Variants in PLEKHA7 observed in about 807,000 individuals in gnomAD.
PLEKHA7 encodes pleckstrin homology domain containing A7.
PLEKHA7 carries 104 observed loss-of-function variants against 170.0 expected under a neutral mutation model. The observed-to-expected ratio is 0.61, with a 90% confidence interval of 0.52 to 0.72. PLEKHA7 has a LOEUF of 0.72. Among genes scored for constraint, PLEKHA7 ranks in the 30% least tolerant of loss-of-function variants. The probability of loss-of-function intolerance (pLI) is 0.00; values close to 1 mark genes in which losing one functional copy is unlikely to be tolerated. For missense variants in PLEKHA7, 1,615 were observed against 1,671.7 expected (o/e 0.97, Z 0.59); for synonymous variants, 648 against 660.8 (o/e 0.98, Z 0.30).
At chr11:16,917,841 T>C (rs904483697) in intron 3 of PLEKHA7, among the ~76,000 whole-genome samples, 1 of 152,236 alleles carries the variant, frequency 6.6e-6, no homozygotes, top group Non-Finnish European at 1.5e-5. Context: ...CTGTTTGCCT[T>C]GTGCAAGAGG....
chr11:16,812,814 C>T (rs943709435), intron 13 of PLEKHA7, among the ~76,000 whole-genome samples: 8 of 152,170 alleles, frequency 5.3e-5, no homozygotes, highest in Admixed American at 2.6e-4. Context: ...TCCGAAGAAG[C>T]GACTGGTTGC....
At position 16,782,910 on chromosome 11, in the gene PLEKHA7, G is replaced by C. The variant is rs745613117; in HGVS notation, c.3651-14C>G. 4.6e-6 allele frequency: 7 copies of C among 1,535,024 alleles called. No homozygotes were observed. In the South Asian group the frequency reaches 8.3e-5, roughly 18 times the overall value. On this transcript the variant is annotated splice_polypyrimidine_tract_variant and intron_variant, in intron 25 of 26. Coordinates refer to ENST00000531066, the MANE Select transcript of PLEKHA7 (RefSeq NM_001329630.2). ...AGGTTGCACATGCTGTAGGAGGGTC[G>C]GAAGCAGACCATGGGCCCTCCTGCC...
At chr11:16,823,541 G>A (rs1850407436) in intron 10 of PLEKHA7, among the ~76,000 whole-genome samples, 3 of 152,108 alleles carry the variant, frequency 2.0e-5, no homozygotes, top group Admixed American at 2.0e-4. Flanking sequence ...ATAGCCTCCT[G>A]ATCATCTCTA....
chr11:16,786,471 T>C (rs557282024), intron 23 of PLEKHA7, 84 bp from the exon 24 acceptor site: 7 of 1,519,760 alleles, frequency 4.6e-6, no homozygotes, highest in Middle Eastern at 3.4e-4. Flanking sequence ...ATGGGGTCCT[T>C]TGGAAGATGA....
chr11:16,831,235 C>T (rs1851080402), intron 9 of PLEKHA7, among the ~76,000 whole-genome samples: 1 of 152,198 alleles, frequency 6.6e-6, no homozygotes, highest in Non-Finnish European at 1.5e-5. Context: ...ACTCCCCCAC[C>T]TTACCAGACC....
chr11:16,999,319 C>T (rs1006174314), intron 3 of PLEKHA7, among the ~76,000 whole-genome samples: 5 of 151,924 alleles, frequency 3.3e-5, no homozygotes, highest in Non-Finnish European at 7.4e-5. Flanking sequence ...CTCAGAACAA[C>T]TTGTCACCCC....
At chr11:16,830,166 T>C (rs1850998734) in intron 9 of PLEKHA7, among the ~76,000 whole-genome samples, 1 of 151,110 alleles carries the variant, frequency 6.6e-6, no homozygotes, top group Non-Finnish European at 1.5e-5. Context: ...TTTTTTTTTG[T>C]AGAGACAAGG....
chr11:16,934,111 T>C (rs1380904318), intron 3 of PLEKHA7, among the ~76,000 whole-genome samples: 2 of 152,154 alleles, frequency 1.3e-5, no homozygotes, highest in Non-Finnish European at 2.9e-5. Flanking sequence ...TTATCGTGCC[T>C]CCTGCCGGCT....
At chr11:16,871,259 G>A (rs1854821323) in intron 3 of PLEKHA7, 77 bp from the exon 4 acceptor site, 2 of 1,141,022 alleles carry the variant, frequency 1.8e-6, no homozygotes, top group Non-Finnish European at 2.6e-6. Context: ...AGTCAGCAAT[G>A]TCTGGTGACC....
At chr11:16,945,675 G>T (rs1860984279) in intron 3 of PLEKHA7, among the ~76,000 whole-genome samples, 1 of 152,198 alleles carries the variant, frequency 6.6e-6, no homozygotes, top group Non-Finnish European at 1.5e-5. Flanking sequence ...AGGAATATCT[G>T]GCACTCTGTG....
intron 3 of PLEKHA7, among the ~76,000 whole-genome samples, chr11:16,920,152 G>C (rs552433547): frequency 6.6e-6 from 1 of 152,212 alleles, no homozygotes; most frequent in Non-Finnish European, 1.5e-5. Flanking sequence ...CTGGCTATCA[G>C]AAATGTTTGT....
chr11:16,834,955 G>C (rs1296256068), intron 9 of PLEKHA7, among the ~76,000 whole-genome samples: 1 of 152,112 alleles, frequency 6.6e-6, no homozygotes, highest in Non-Finnish European at 1.5e-5. Context: ...TGAAGCCTGT[G>C]TAACAAACAA....
intron 13 of PLEKHA7, among the ~76,000 whole-genome samples, chr11:16,810,202 C>A (rs922123360): frequency 1.3e-5 from 2 of 152,204 alleles, no homozygotes; most frequent in East Asian, 1.9e-4. Context: ...TAGATACTTA[C>A]AAACAAAAGC....
In PLEKHA7 at chr11:17,014,385, AC is replaced by A. The variant is rs1406204172; in HGVS notation, c.16del (p.Val6SerfsTer46). ...ATGCTCAGGTAAAGTGTCCCGCCCG[AC>A]CGTCGCCGCCGCCATGTTCGCCGAG... The part of the protein sequence containing the change: MAAAT[V>X]GRDTLPEHWS... On this transcript the variant is annotated frameshift_variant, in exon 1 of 27. Coordinates refer to ENST00000531066, the MANE Select transcript of PLEKHA7 (RefSeq NM_001329630.2). LOFTEE classifies it high-confidence loss of function. 15 of 1,251,362 alleles carry A rather than the reference AC, an allele frequency of 1.2e-5. No homozygotes were observed. Among genetic ancestry groups the A allele is most frequent in the Non-Finnish European group, 1.5e-5 (15 of 978,152 alleles). The allele number at this position is 1,251,362 out of a possible 1,614,324, so 77.5% of individuals were successfully genotyped here. A position where few individuals can be genotyped will look rare whatever the true frequency, so the allele number is the denominator to read the frequency against.
At chr11:16,782,712 T>TG in intron 26 of PLEKHA7, 42 bp downstream of exon 26, 1 of 1,532,268 alleles carries the variant, frequency 6.5e-7, no homozygotes, top group Non-Finnish European at 8.7e-7. Flanking sequence ...ACAGGTGCAG[T>TG]GGGGCAGGAT....
intron 13 of PLEKHA7, 82 bp downstream of exon 13, chr11:16,813,031 T>C: frequency 3.2e-6 from 4 of 1,252,478 alleles, no homozygotes; most frequent in Non-Finnish European, 4.7e-6. Context: ...GTCTGGCCTT[T>C]GGCTTTGGGC....
At chr11:16,854,784 G>C in intron 6 of PLEKHA7, 105 bp downstream of exon 6, 1 of 958,592 alleles carries the variant, frequency 1.0e-6, no homozygotes, top group Non-Finnish European at 1.6e-6. Context: ...ACAAACTCAG[G>C]AACAGAAAGC....
At chr11:16,931,779 A>G (rs1389487577) in intron 3 of PLEKHA7, among the ~76,000 whole-genome samples, 3 of 144,224 alleles carry the variant, frequency 2.1e-5, no homozygotes, top group African/African-American at 7.7e-5. Context: ...AAAAAAAAAA[A>G]GGGAAGAAGA....
intron 3 of PLEKHA7, among the ~76,000 whole-genome samples, chr11:16,952,881 T>C (rs1198652612): frequency 6.6e-6 from 1 of 152,250 alleles, no homozygotes; most frequent in Non-Finnish European, 1.5e-5. Flanking sequence ...GAACAAAGCC[T>C]CTATGTATCC....
Sources: gnomAD v4.1 joint callset for allele counts (sites outside exome capture counted in the v4.1 genomes callset) on GRCh38, gnomAD v4.1.1 for gene constraint, MANE v1.5 for transcripts, NCBI Gene and HGNC (gene_info 2026-07-23, HGNC 2026-07-21) for gene names.